SLC35F4: variants seen among roughly 807,000 people sequenced by gnomAD.
SLC35F4 encodes solute carrier family 35 member F4.
A neutral mutation model predicts 44.2 loss-of-function variants in SLC35F4; 24 were observed. That is an observed-to-expected ratio of 0.54 (90% confidence interval 0.39 to 0.76). SLC35F4 has a LOEUF of 0.76. Among genes scored for constraint, SLC35F4 ranks in the 30% least tolerant of loss-of-function variants. SLC35F4 has a pLI of 0.00. For synonymous variants in SLC35F4, 238 were observed against 223.6 expected (o/e 1.06, Z -0.57); for missense variants, 562 against 586.1 (o/e 0.96, Z 0.42).
chr14:57,647,508 A>C (rs1028226642), intron 1 of SLC35F4, among the ~76,000 whole-genome samples: 16 of 152,048 alleles, frequency 1.1e-4, no homozygotes, highest in Non-Finnish European at 2.1e-4. Flanking sequence ...GAATGCTTGA[A>C]CTGCACTGTA....
chr14:57,681,048 G>C (rs1461425161), intron 1 of SLC35F4, among the ~76,000 whole-genome samples: 3 of 119,362 alleles, frequency 2.5e-5, no homozygotes, highest in African/African-American at 1.0e-4. Flanking sequence ...AATCAAAAAA[G>C]AGCCCATATA....
intron 1 of SLC35F4, among the ~76,000 whole-genome samples, chr14:57,981,664 AC>A (rs1881387099): frequency 6.6e-6 from 1 of 152,108 alleles, no homozygotes; most frequent in Non-Finnish European, 1.5e-5. Context: ...TTTATTATCC[AC>A]GGTGGTAAAT....
At chr14:57,564,812 A>C (rs2068123199) in intron 7 of SLC35F4, among the ~76,000 whole-genome samples, 1 of 151,582 alleles carries the variant, frequency 6.6e-6, no homozygotes, top group African/African-American at 2.4e-5. Context: ...GTATATTCAC[A>C]ATATTATGCA....
At chr14:57,697,420 C>T (rs1236105375) in intron 1 of SLC35F4, among the ~76,000 whole-genome samples, 2 of 152,196 alleles carry the variant, frequency 1.3e-5, no homozygotes, top group Admixed American at 1.3e-4. Flanking sequence ...AAATCCATGG[C>T]CAGGCACAGT....
chr14:57,784,044 G>A (rs924532222), intron 1 of SLC35F4, among the ~76,000 whole-genome samples: 1 of 152,180 alleles, frequency 6.6e-6, no homozygotes, highest in African/African-American at 2.4e-5. Context: ...CAGGATTTAT[G>A]ACAGAGCTAA....
rs1048515074 is a variant in SLC35F4 at position 57,829,733 on chromosome 14, G to A, written c.103+35990C>T. On this transcript the variant is annotated intron_variant, in intron 1 of 7. Transcript: ENST00000556826. ...ATCGCTACTGCAACAGGGGTTGTGG[G>A]TAGTGATCACTGGCTGGTTGTGTGT... Among the ~76,000 whole-genome samples the A allele has an allele frequency of 5.3e-5, 8 of 152,164 alleles. No homozygotes were observed. The East Asian group carries it at 7.7e-4, about 15-fold the overall frequency.
chr14:57,643,843 C>T (rs1456569691), intron 1 of SLC35F4, among the ~76,000 whole-genome samples: 1 of 152,044 alleles, frequency 6.6e-6, no homozygotes, highest in East Asian at 1.9e-4. Flanking sequence ...GTTCAATTCC[C>T]ACCTATGAGT....
intron 1 of SLC35F4, among the ~76,000 whole-genome samples, chr14:57,743,016 G>A (rs551250278): frequency 1.4e-3 from 212 of 152,280 alleles, no homozygotes; most frequent in Non-Finnish European, 2.5e-3. Flanking sequence ...GATGTTCTTT[G>A]AAACCAATGA....
chr14:57,738,347 T>G (rs2076516239), intron 1 of SLC35F4, among the ~76,000 whole-genome samples: 1 of 152,134 alleles, frequency 6.6e-6, no homozygotes, highest in Non-Finnish European at 1.5e-5. Flanking sequence ...CACGCTTTCT[T>G]CTAAGCGAGT....
chr14:57,615,583 T>C (rs2071769569), intron 1 of SLC35F4, among the ~76,000 whole-genome samples: 1 of 152,052 alleles, frequency 6.6e-6, no homozygotes, highest in African/African-American at 2.4e-5. Context: ...ATAGATGGGA[T>C]AGAGGGTTAG....
intron 1 of SLC35F4, among the ~76,000 whole-genome samples, chr14:57,735,996 C>T (rs749850928): frequency 2.6e-5 from 4 of 152,106 alleles, no homozygotes; most frequent in Non-Finnish European, 4.4e-5. Flanking sequence ...ATTACAGGCA[C>T]AAGTCACTGT....
At chr14:57,617,814 A>C (rs1377422997) in intron 1 of SLC35F4, among the ~76,000 whole-genome samples, 1 of 152,212 alleles carries the variant, frequency 6.6e-6, no homozygotes, top group Non-Finnish European at 1.5e-5. Context: ...CCAAGCAATT[A>C]ATAGGGAACC....
rs77027955 is a variant in SLC35F4, at chr14:57,690,411, G to C, written c.104-96287C>G. 3.3e-5 allele frequency among the ~76,000 whole-genome samples: 5 copies of C among 152,058 alleles called. No individual in the cohort carries two copies. In the South Asian group the frequency reaches 1.0e-3, roughly 32 times the overall value. The stretch of plus-strand genomic sequence containing the variant: ...CTAGATTGAAGAGAGAATAGATAAG[G>C]AAGTGGAGACAGCTTAGCAGATTTT... On this transcript the variant is annotated intron_variant, in intron 1 of 7. Coordinates refer to ENST00000556826, the MANE Select transcript of SLC35F4 (RefSeq NM_001306087.2).
intron 1 of SLC35F4, among the ~76,000 whole-genome samples, chr14:57,932,356 T>A (rs937826323): frequency 6.6e-6 from 1 of 152,238 alleles, no homozygotes; most frequent in African/African-American, 2.4e-5. Context: ...AATCTATAGA[T>A]AGTGTGACCA....
At chr14:57,738,829 T>C (rs1016664805) in intron 1 of SLC35F4, among the ~76,000 whole-genome samples, 1 of 146,672 alleles carries the variant, frequency 6.8e-6, no homozygotes, top group African/African-American at 2.5e-5. Flanking sequence ...TAAATATATA[T>C]ATAAGTACTG....
intron 1 of SLC35F4, among the ~76,000 whole-genome samples, chr14:57,795,481 A>G (rs941858957): frequency 6.6e-6 from 1 of 152,198 alleles, no homozygotes; most frequent in Non-Finnish European, 1.5e-5. Context: ...TTTCTGGCCA[A>G]CTTTACATAT....
chr14:57,816,837 T>C (rs550025376), intron 1 of SLC35F4, among the ~76,000 whole-genome samples: 48 of 152,334 alleles, frequency 3.2e-4, no homozygotes, highest in African/African-American at 9.6e-4. Context: ...GGAGGCATGA[T>C]TGAGTTTCAG....
intron 1 of SLC35F4, among the ~76,000 whole-genome samples, chr14:57,750,577 G>A (rs1027738961): frequency 7.2e-5 from 11 of 152,128 alleles, no homozygotes; most frequent in African/African-American, 2.7e-4. Flanking sequence ...CATTCTAACT[G>A]GGTTAAGCTA....
chr14:57,644,404 C>T (rs915643165), intron 1 of SLC35F4, among the ~76,000 whole-genome samples: 3 of 151,660 alleles, frequency 2.0e-5, no homozygotes, highest in African/African-American at 7.3e-5. Flanking sequence ...TTTTTGGCAG[C>T]ATAAATATCT....
Sources: allele counts gnomAD v4.1 joint callset (sites outside exome capture counted in the v4.1 genomes callset), GRCh38; gene constraint gnomAD v4.1.1; transcripts MANE v1.5; gene names NCBI Gene and HGNC (gene_info 2026-07-23, HGNC 2026-07-21).